EFR3A: variants seen among roughly 807,000 people sequenced by gnomAD.
EFR3A encodes the protein protein EFR3 homolog A.
EFR3A carries 76 observed loss-of-function variants against 104.4 expected under a neutral mutation model. The observed-to-expected ratio is 0.73, with a 90% CI of 0.60 to 0.88. The LOEUF (loss-of-function observed/expected upper bound fraction) is 0.88. Ranked by LOEUF, EFR3A falls within the 40% of genes least tolerant of loss-of-function variation. The pLI is 0.00. For synonymous variants in EFR3A, 330 were observed against 330.0 expected, an observed-to-expected ratio of 1.00 and a Z score of 0.00; for missense variants, 985 against 1,012.5, an observed-to-expected ratio of 0.97 and a Z score of 0.37.
intron 19 of EFR3A, among the ~76,000 whole-genome samples, chr8:131,999,400 A>G (rs774648979): frequency 2.6e-5 from 4 of 152,210 alleles, no homozygotes; most frequent in Non-Finnish European, 5.9e-5. Context: ...AGCAACTACT[A>G]TAATTAGAAA....
chr8:132,012,626 G>T lies in EFR3A; in HGVS notation c.*1731G>T, dbSNP rs113831843. The T allele has an allele frequency of 3.3e-5, 5 of 152,420 alleles. No individual in the cohort carries two copies. In the Admixed American group the frequency reaches 3.3e-4, roughly 10 times the overall value. 9.4% of individuals were successfully genotyped at this position (152,420 alleles called of 1,614,324 possible). A position where few individuals can be genotyped will look rare whatever the true frequency, so the allele number is the denominator to read the frequency against. On this transcript the variant is annotated 3_prime_UTR_variant, in exon 23 of 23. Coordinates refer to ENST00000254624, the MANE Select transcript of EFR3A (RefSeq NM_015137.6). ...TTTTCCTTCTGTATTTTTAAAGAAG[G>T]ATGTTAATTTTTGACTATATATTTT...
intron 7 of EFR3A, among the ~76,000 whole-genome samples, chr8:131,956,467 G>A (rs1249525404): frequency 6.6e-6 from 1 of 152,174 alleles, no homozygotes; most frequent in Non-Finnish European, 1.5e-5. Flanking sequence ...GGTCTCTCAA[G>A]CCTTGTCAAG....
chr8:132,002,365 A>G (rs1443203236), intron 20 of EFR3A, among the ~76,000 whole-genome samples: 2 of 152,188 alleles, frequency 1.3e-5, no homozygotes, highest in Non-Finnish European at 2.9e-5. Flanking sequence ...ATTCTGTGAA[A>G]GAGAATCTTG....
intron 1 of EFR3A, among the ~76,000 whole-genome samples, chr8:131,939,566 A>G (rs1315463434): frequency 6.6e-6 from 1 of 152,188 alleles, no homozygotes; most frequent in African/African-American, 2.4e-5. Flanking sequence ...AAAATTTCCC[A>G]TTCTTACAGA....
At chr8:132,001,039 T>TATCC in intron 19 of EFR3A, 1 of 152,212 alleles carries the variant, frequency 6.6e-6, no homozygotes, top group Non-Finnish European at 1.5e-5. Context: ...TATTCAGAGA[T>TATCC]ACTATAGGAA....
intron 1 of EFR3A, among the ~76,000 whole-genome samples, chr8:131,923,504 T>C (rs1473017767): frequency 1.4e-5 from 2 of 143,660 alleles, no homozygotes; most frequent in Admixed American, 6.9e-5. Context: ...GTCAGGGTGT[T>C]TTTTTTTTTT....
At position 131,984,271 on chromosome 8, in the gene EFR3A, G is replaced by C; in HGVS notation, c.1708G>C (p.Asp570His). ...IELANEEVVI[D>H]LIRLAIALQD... ...ACTGGCTAATGAAGAAGTAGTTATT[G>C]ATCTCATTCGACTGGCCATTGCTTT... Residue 570 changes from aspartate to histidine, a missense_variant, in exon 15 of 23, where the codon GAT (aspartate) becomes CAT (histidine). Asp to His is a moderately conservative substitution (Grantham distance 81). Transcript: ENST00000254624. 1 of 1,605,172 alleles carries C rather than the reference G, an allele frequency of 6.2e-7. No individual in the cohort carries two copies. The highest frequency in any genetic ancestry group is 8.5e-7 in the Non-Finnish European group (1 of 1,176,062).
intron 1 of EFR3A, among the ~76,000 whole-genome samples, chr8:131,923,010 G>T (rs544398019): frequency 2.6e-5 from 4 of 152,192 alleles, no homozygotes; most frequent in Non-Finnish European, 4.4e-5. Context: ...AATGTTCTCC[G>T]CAGAATGAAT....
chr8:131,935,995 T>C (rs1032412811), intron 1 of EFR3A, among the ~76,000 whole-genome samples: 1 of 152,088 alleles, frequency 6.6e-6, no homozygotes, highest in South Asian at 2.1e-4. Flanking sequence ...TTCAGAATTC[T>C]CCTAGTACCT....
intron 1 of EFR3A, among the ~76,000 whole-genome samples, chr8:131,930,304 C>G (rs1245288532): frequency 1.3e-5 from 2 of 151,946 alleles, no homozygotes; most frequent in East Asian, 3.9e-4. Flanking sequence ...AAATAAGTCA[C>G]TTTTCCTCTT....
intron 6 of EFR3A, 57 bp downstream of exon 6, chr8:131,954,024 G>T: frequency 7.2e-7 from 1 of 1,384,896 alleles, no homozygotes; most frequent in South Asian, 1.6e-5. Flanking sequence ...ATGTATGTGT[G>T]TTTCCTAGGA....
intron 1 of EFR3A, among the ~76,000 whole-genome samples, chr8:131,910,505 T>C (rs751753854): frequency 3.3e-5 from 5 of 152,166 alleles, no homozygotes; most frequent in Admixed American, 6.5e-5. Context: ...ACTCCCAAGC[T>C]CAGGCAATCT....
chr8:131,915,868 ATTCACATATTT>A (rs1586525455), intron 1 of EFR3A, among the ~76,000 whole-genome samples: 1 of 152,306 alleles, frequency 6.6e-6, no homozygotes, highest in East Asian at 1.9e-4. Context: ...TTTGTCTTTT[ATTCACATATTT>A]ATTGAATGCT....
At chr8:131,964,757 A>C (rs865872755) in intron 8 of EFR3A, among the ~76,000 whole-genome samples, 1 of 152,224 alleles carries the variant, frequency 6.6e-6, no homozygotes, top group African/African-American at 2.4e-5. Context: ...CCGCATTGCC[A>C]AGTCAATGCT....
chr8:131,984,573 G>A (rs1563690940), intron 15 of EFR3A, among the ~76,000 whole-genome samples: 1 of 151,646 alleles, frequency 6.6e-6, no homozygotes, highest in Admixed American at 6.6e-5. Flanking sequence ...TCCTACACTG[G>A]GGGGGATAGT....
intron 1 of EFR3A, among the ~76,000 whole-genome samples, chr8:131,919,501 C>A (rs1816896193): frequency 6.7e-6 from 1 of 148,414 alleles, no homozygotes; most frequent in South Asian, 2.1e-4. Flanking sequence ...GAGGCTGAGG[C>A]AGGAGAATGG....
chr8:131,984,656 A>G (rs976410271), intron 15 of EFR3A, among the ~76,000 whole-genome samples: 2 of 152,166 alleles, frequency 1.3e-5, no homozygotes, highest in African/African-American at 4.8e-5. Flanking sequence ...GAAGGACAGT[A>G]TGCAATGGCC....
Position 131,959,622 on chromosome 8 carries a change from T to G in EFR3A, c.814T>G (p.Phe272Val). The change falls in exon 8 of 23, where the codon TTT (phenylalanine) becomes GTT (valine). Residue 272 changes from phenylalanine (F) to valine (V), a missense_variant. By Grantham distance (50) the Phe-to-Val change is conservative. Coordinates refer to ENST00000254624, the MANE Select transcript of EFR3A (RefSeq NM_015137.6). ...DHHKLWDPNE[F>V]AVHCFKIIMY... ...TCACAAACTGTGGGATCCCAATGAA[T>G]TTGCAGTTCACTGCTTTAAAATTAT... is the stretch of plus-strand genomic sequence containing the variant. The G allele has an allele frequency of 2.5e-6, 4 of 1,612,374 alleles. No individual in the cohort carries two copies. The highest frequency in any genetic ancestry group is 3.4e-6 in the Non-Finnish European group (4 of 1,179,346).
In EFR3A at chr8:131,960,345, G is replaced by A. The variant is rs530587008; in HGVS notation, c.855+682G>A. ...TCGGATTCAAAACCCCACGTATATG[G>A]GGGCTGATTTTTTTCCTCACAGGGC... On this transcript the variant is annotated intron_variant, in intron 8 of 22. Coordinates refer to ENST00000254624, the MANE Select transcript of EFR3A (RefSeq NM_015137.6). Among the ~76,000 whole-genome samples, 278 of 152,078 alleles carry A rather than the reference G, an allele frequency of 1.8e-3. 2 individuals are homozygous for A. Among genetic ancestry groups the A allele is most frequent in the African/African-American group, 6.5e-3 (270 of 41,530 alleles).
Sources: gnomAD v4.1 joint callset for allele counts (sites outside exome capture counted in the v4.1 genomes callset) on GRCh38, gnomAD v4.1.1 for gene constraint, MANE v1.5 for transcripts, NCBI Gene and HGNC (gene_info 2026-07-23, HGNC 2026-07-21) for gene names.